Variants in NEURL1 observed in about 807,000 individuals in gnomAD.
NEURL1 encodes the protein E3 ubiquitin-protein ligase NEURL1.
NEURL1 carries 26 observed loss-of-function variants against 41.2 expected under a neutral mutation model. That is an observed-to-expected ratio of 0.63 (90% CI 0.46 to 0.87). The LOEUF (loss-of-function observed/expected upper bound fraction) is 0.87. Ranked by LOEUF, NEURL1 falls within the 40% of genes least tolerant of loss-of-function variation. The pLI is 0.00. For synonymous variants in NEURL1, 400 were observed against 402.3 expected, an observed-to-expected ratio of 0.99 and a Z score of 0.07; for missense variants, 761 against 871.1, an observed-to-expected ratio of 0.87 and a Z score of 1.59.
At chr10:103,534,577 G>T (rs1395839626) in intron 1 of NEURL1, among the ~76,000 whole-genome samples, 1 of 152,190 alleles carries the variant, frequency 6.6e-6, no homozygotes, top group Admixed American at 6.5e-5. Flanking sequence ...GTAGATGTTT[G>T]TACACTGGCA....
At chr10:103,573,249 C>T (rs1202479747) in intron 3 of NEURL1, among the ~76,000 whole-genome samples, 3 of 152,136 alleles carry the variant, frequency 2.0e-5, no homozygotes, top group African/African-American at 7.2e-5. Context: ...TGGGTCTCAG[C>T]GACTGAAGAA....
chr10:103,540,509 C>T (rs370432032), intron 1 of NEURL1, among the ~76,000 whole-genome samples: 40 of 152,220 alleles, frequency 2.6e-4, no homozygotes, highest in African/African-American at 9.6e-4. Flanking sequence ...AGGCTGGTCT[C>T]GAACTCCTGT....
chr10:103,523,556 C>T (rs2034400283), intron 1 of NEURL1, among the ~76,000 whole-genome samples: 1 of 152,200 alleles, frequency 6.6e-6, no homozygotes, highest in East Asian at 1.9e-4. Context: ...TCCCTTCTAT[C>T]TAGCTGTGCT....
chr10:103,549,444 C>T (rs2034989725), intron 1 of NEURL1, among the ~76,000 whole-genome samples: 1 of 152,248 alleles, frequency 6.6e-6, no homozygotes, highest in Non-Finnish European at 1.5e-5. Flanking sequence ...CTCCTCATCT[C>T]TCACTCTTCC....
intron 4 of NEURL1, chr10:103,588,942 GAAA>G (rs35294224): frequency 0.041 from 12,883 of 313,670 alleles, no homozygotes; most frequent in East Asian, 0.057. Flanking sequence ...GACTCCGTCT[GAAA>G]AAAAAAAAAA....
chr10:103,514,643 C>A (rs1202994658), intron 1 of NEURL1, among the ~76,000 whole-genome samples: 1 of 152,312 alleles, frequency 6.6e-6, no homozygotes, highest in East Asian at 1.9e-4. Context: ...AGGGAGTAGC[C>A]CCTGGCACTG....
In NEURL1 at chr10:103,584,673, G is replaced by C; in HGVS notation, c.787G>C (p.Asp263His). 1 of 1,428,662 alleles carries C rather than the reference G, an allele frequency of 7.0e-7. No homozygotes were observed. The highest frequency in any genetic ancestry group is 9.1e-7 in the Non-Finnish European group (1 of 1,097,448). 88.5% of individuals were successfully genotyped at this position (1,428,662 alleles called of 1,614,324 possible). A position where few individuals can be genotyped will look rare whatever the true frequency, so the allele number is the denominator to read the frequency against. ...CCTCAACGTGCCGGGCGCGGACGGC[G>C]ACGAGGCCGCGCCGGCCGCCGGCTG... ...CDLNVPGADG[D>H]EAAPAAGCPI... The change falls in exon 4 of 6, where the codon GAC (aspartate) becomes CAC (histidine). Residue 263 changes from aspartate to histidine, a missense_variant. Around this residue, in one of 5 missense-constraint regions of NEURL1, gnomAD observed 443 missense variants for 408.1 expected, o/e 1.09. Coordinates refer to ENST00000369780, the MANE Select transcript of NEURL1 (RefSeq NM_004210.5).
chr10:103,507,024 A>T (rs760809458), intron 1 of NEURL1, among the ~76,000 whole-genome samples: 1 of 152,178 alleles, frequency 6.6e-6, no homozygotes, highest in South Asian at 2.1e-4. Context: ...TGATTCAAAC[A>T]TCAGAACCCA....
chr10:103,569,322 C>A (rs2035489002), intron 1 of NEURL1, among the ~76,000 whole-genome samples: 1 of 152,208 alleles, frequency 6.6e-6, no homozygotes, highest in Admixed American at 6.5e-5. Context: ...GTTCATTGTG[C>A]TTTACTGCCG....
intron 1 of NEURL1, among the ~76,000 whole-genome samples, chr10:103,537,914 C>T (rs1691823953): frequency 6.6e-6 from 1 of 152,066 alleles, no homozygotes. Flanking sequence ...GCACCCCCCG[C>T]CTCTGCCATA....
chr10:103,495,592 G>A (rs2133840778), intron 1 of NEURL1, among the ~76,000 whole-genome samples: 1 of 152,292 alleles, frequency 6.6e-6, no homozygotes, highest in South Asian at 2.1e-4. Context: ...CTAGGTGCTA[G>A]GCTGTAGACC....
intron 1 of NEURL1, chr10:103,550,709 T>A (rs2035015564): frequency 3.3e-5 from 5 of 152,268 alleles, no homozygotes; most frequent in Admixed American, 3.3e-4. Context: ...TCCCCTTGTC[T>A]TCTCTCCTCT....
intron 1 of NEURL1, among the ~76,000 whole-genome samples, chr10:103,569,713 G>A (rs534069580): frequency 6.6e-5 from 10 of 152,260 alleles, no homozygotes; most frequent in Admixed American, 5.2e-4. Flanking sequence ...AAGCTCTTGC[G>A]CTGCCCAGCC....
chr10:103,563,184 G>T (rs2035342437), intron 1 of NEURL1, among the ~76,000 whole-genome samples: 1 of 152,160 alleles, frequency 6.6e-6, no homozygotes. Flanking sequence ...CAGTAGTTAT[G>T]TTTGCTTTTA....
chr10:103,536,739 T>TA (rs938072613), intron 1 of NEURL1, among the ~76,000 whole-genome samples: 24 of 152,278 alleles, frequency 1.6e-4, no homozygotes, highest in Admixed American at 5.9e-4. Flanking sequence ...TTTCTGTACT[T>TA]AAAAAAATTA....
intron 1 of NEURL1, among the ~76,000 whole-genome samples, chr10:103,517,619 T>C (rs2133853163): frequency 6.6e-6 from 1 of 152,372 alleles, no homozygotes; most frequent in South Asian, 2.1e-4. Context: ...CCTGGCTGTC[T>C]GTAATCAAGT....
At chr10:103,544,062 G>T (rs1164650100) in intron 1 of NEURL1, among the ~76,000 whole-genome samples, 1 of 152,204 alleles carries the variant, frequency 6.6e-6, no homozygotes, top group Admixed American at 6.5e-5. Flanking sequence ...GAGTCGGGCA[G>T]AGATGCCCGC....
Position 103,584,682 on chromosome 10 carries a change from G to GCGCCGGC in NEURL1, c.804_810dup (p.Cys271ArgfsTer107). The GCGCCGGC allele has an allele frequency of 2.8e-6, 4 of 1,431,138 alleles. No homozygotes were observed. The highest frequency in any genetic ancestry group is 3.6e-6 in the Non-Finnish European group (4 of 1,098,474). 88.7% of individuals were successfully genotyped at this position (1,431,138 alleles called of 1,614,324 possible). ...GCCGGGCGCGGACGGCGACGAGGCC[G>GCGCCGGC]CGCCGGCCGCCGGCTGCCCCATCCC... On this transcript the variant is annotated frameshift_variant, in exon 4 of 6. Transcript: ENST00000369780. LOFTEE classifies it high-confidence loss of function.
At chr10:103,586,814 C>T (rs539407270) in intron 4 of NEURL1, among the ~76,000 whole-genome samples, 9 of 152,158 alleles carry the variant, frequency 5.9e-5, no homozygotes, top group African/African-American at 1.7e-4. Flanking sequence ...TTAGAGAGGC[C>T]GAGGCAGATG....
Sources: allele counts gnomAD v4.1 joint callset (sites outside exome capture counted in the v4.1 genomes callset), GRCh38; gene constraint gnomAD v4.1.1; regional missense constraint gnomAD v4.1.1; transcripts MANE v1.5; gene names NCBI Gene and HGNC (gene_info 2026-07-23, HGNC 2026-07-21).